The following MAML2 variants were observed in gnomAD, a reference collection of about 807,000 sequenced individuals.
The protein encoded by MAML2 is mastermind like transcriptional coactivator 2.
MAML2 carries 22 observed loss-of-function variants against 96.1 expected under a neutral mutation model. The observed-to-expected ratio is 0.23, with a 90% CI of 0.16 to 0.33. The LOEUF (loss-of-function observed/expected upper bound fraction) is 0.33. MAML2 is among the 10% of genes least tolerant of loss of function. MAML2 has a pLI of 1.00. For missense variants in MAML2, 1,367 were observed against 1,392.4 expected (o/e 0.98, Z 0.29); for synonymous variants, 561 against 521.3 (o/e 1.08, Z -1.04).
At chr11:95,980,060 G>T in intron 4 of MAML2, 97 bp from the exon 5 acceptor site, 1 of 910,262 alleles carries the variant, frequency 1.1e-6, no homozygotes. Context: ...ACTGCTTTCA[G>T]GTGTAAGACA....
intron 1 of MAML2, among the ~76,000 whole-genome samples, chr11:96,244,161 T>C (rs1465232191): frequency 1.3e-5 from 2 of 152,230 alleles, no homozygotes; most frequent in Non-Finnish European, 2.9e-5. Flanking sequence ...TCCAGATGTT[T>C]TGAAATATTA....
chr11:96,252,545 C>A (rs1862598389), intron 1 of MAML2, among the ~76,000 whole-genome samples: 1 of 151,632 alleles, frequency 6.6e-6, no homozygotes, highest in Non-Finnish European at 1.5e-5. Context: ...CCTGCCTCAG[C>A]CTCCCAAGTA....
intron 1 of MAML2, among the ~76,000 whole-genome samples, chr11:96,151,519 A>G (rs1173737074): frequency 6.6e-6 from 1 of 152,132 alleles, no homozygotes; most frequent in Non-Finnish European, 1.5e-5. Context: ...AATTCTCAGT[A>G]TTGGAGGTGA....
intron 1 of MAML2, among the ~76,000 whole-genome samples, chr11:96,292,813 A>G (rs1270724196): frequency 2.0e-5 from 3 of 152,194 alleles, no homozygotes; most frequent in Non-Finnish European, 2.9e-5. Context: ...TTAACAGCAC[A>G]GTGTGAGTTT....
At chr11:95,983,276 CA>C (rs1476956688) in intron 4 of MAML2, among the ~76,000 whole-genome samples, 3 of 152,012 alleles carry the variant, frequency 2.0e-5, no homozygotes, top group African/African-American at 7.3e-5. Context: ...AAAATAAAAA[CA>C]AAAAATTTTT....
intron 2 of MAML2, among the ~76,000 whole-genome samples, chr11:96,045,033 A>C (rs1485998841): frequency 6.6e-6 from 1 of 151,964 alleles, no homozygotes; most frequent in Non-Finnish European, 1.5e-5. Context: ...AAGCAAGTTA[A>C]GACTGAAATA....
Position 96,092,683 on chromosome 11 carries a change from G to C in MAML2, c.1348C>G (p.Gln450Glu), listed in dbSNP as rs1396738083. 3.7e-6 allele frequency: 6 copies of C among 1,614,012 alleles called. No homozygotes were observed. The South Asian group carries it at 6.6e-5, about 18-fold the overall frequency. Residue 450 changes from glutamine to glutamate, a missense_variant, in exon 2 of 5, where the codon CAG (glutamine) becomes GAG (glutamate). Physicochemically the swap from Gln to Glu is conservative, Grantham distance 29. Coordinates refer to ENST00000524717, the MANE Select transcript of MAML2 (RefSeq NM_032427.4). The surrounding 1 kb of genome is among the most constrained non-coding windows in gnomAD (Gnocchi z 4.1). The part of the protein sequence containing the change: ...AANRQQHARM[Q>E]QHQQQHQPTN... ...GGCTGGTGCTGCTGCTGGTGCTGCT[G>C]CATCCGGGCATGCTGCTGACGATTA...
chr11:96,287,434 A>G (rs1054535546), intron 1 of MAML2, among the ~76,000 whole-genome samples: 1 of 152,234 alleles, frequency 6.6e-6, no homozygotes, highest in African/African-American at 2.4e-5. Context: ...TTTAAAGTAA[A>G]GCAAAGCTCA....
intron 1 of MAML2, among the ~76,000 whole-genome samples, chr11:96,324,074 C>T (rs1218829552): frequency 6.6e-6 from 1 of 152,178 alleles, no homozygotes; most frequent in African/African-American, 2.4e-5. Context: ...GTTGCACTTG[C>T]CTTCAAAATT....
chr11:96,121,368 G>A (rs1175136742), intron 1 of MAML2, among the ~76,000 whole-genome samples: 2 of 152,114 alleles, frequency 1.3e-5, no homozygotes, highest in African/African-American at 4.8e-5. Context: ...CTGCTATGGG[G>A]GAAGCCATTA....
At chr11:96,056,622 T>G (rs1205469856) in intron 2 of MAML2, among the ~76,000 whole-genome samples, 1 of 152,200 alleles carries the variant, frequency 6.6e-6, no homozygotes, top group Non-Finnish European at 1.5e-5. Context: ...GTTAGAACAT[T>G]TGAAGCATGA....
In MAML2 at chr11:96,282,945, G is replaced by A. The variant is rs771712743; in HGVS notation, c.513+58438C>T. Among the ~76,000 whole-genome samples the A allele has an allele frequency of 9.9e-5, 15 of 152,212 alleles. No homozygotes were observed. In the South Asian group the frequency reaches 3.1e-3, roughly 32 times the overall value. ...TTCCTTTAAAGGCCACTTTCTAGCA[G>A]ACAATTCAACTAACTGCTGTATTTT... On this transcript the variant is annotated intron_variant, in intron 1 of 4. Transcript: ENST00000524717.
At position 96,092,379 on chromosome 11, in the gene MAML2, G is replaced by A; in HGVS notation, c.1652C>T (p.Pro551Leu). The A allele has an allele frequency of 6.2e-7, 1 of 1,613,904 alleles. No individual in the cohort carries two copies. The highest frequency in any genetic ancestry group is 1.1e-5 in the South Asian group (1 of 91,066). ...CAAAGGCTTGGTGTTGCCCTGACGG[G>A]GCTCCATGGCTGGGTGCGGGTTGTT... is the stretch of plus-strand genomic sequence containing the variant. ...FINNPHPAME[P>L]RQGNTKPLFH... The change falls in exon 2 of 5, where the codon CCC becomes CTC. Residue 551 changes from proline (P) to leucine (L), a missense_variant. Pro to Leu is a moderately conservative substitution (Grantham distance 98). Coordinates refer to ENST00000524717, the MANE Select transcript of MAML2 (RefSeq NM_032427.4). This position sits in a 1 kb window ranked among gnomAD's most constrained non-coding sequence, Gnocchi z 4.1.
In MAML2 at chr11:96,342,108, G is replaced by A. The variant is rs951194052; in HGVS notation, c.-213C>T. 10 of 554,256 alleles carry A rather than the reference G, an allele frequency of 1.8e-5. No homozygotes were observed. The highest frequency in any genetic ancestry group is 1.1e-4 in the African/African-American group (6 of 53,208). The allele number at this position is 554,256 out of a possible 1,614,324, so 34.3% of individuals were successfully genotyped here. ...GGGGAGAAAGAATAGAAACCAACTG[G>A]GGGGAGGATAAGTTGGAAACAAACC... On this transcript the variant is annotated 5_prime_UTR_variant, in exon 1 of 5. Transcript: ENST00000524717.
In MAML2 at chr11:96,092,973, G is replaced by C. The variant is rs530307743; in HGVS notation, c.1058C>G (p.Pro353Arg). The change falls in exon 2 of 5, where the codon CCT becomes CGT. Residue 353 changes from proline to arginine, a missense_variant. Physicochemically the swap from Pro to Arg is moderately radical, Grantham distance 103 (BLOSUM62 -2). Transcript: ENST00000524717. The surrounding 1 kb of genome is among the most constrained non-coding windows in gnomAD (Gnocchi z 4.1). Reference protein sequence around the residue: ...DLGQQSQRSTPRPSLPMEKIV... With the variant: ...DLGQQSQRSTRRPSLPMEKIV... ...TTTCTCCATGGGTAAGGAGGGCCTAGGTGTGCTCCTCTGGCTTTGCTGACC... is the reference window on the plus strand; with the variant it reads ...TTTCTCCATGGGTAAGGAGGGCCTACGTGTGCTCCTCTGGCTTTGCTGACC... 6.2e-7 allele frequency: 1 copy of C among 1,613,860 alleles called. No individual in the cohort carries two copies. The highest frequency in any genetic ancestry group is 8.5e-7 in the Non-Finnish European group (1 of 1,179,786).
chr11:96,150,281 C>T (rs1001791637), intron 1 of MAML2, among the ~76,000 whole-genome samples: 1 of 152,212 alleles, frequency 6.6e-6, no homozygotes, highest in Non-Finnish European at 1.5e-5. Context: ...CGAAGCTCAG[C>T]TTCAATGACA....
At chr11:96,014,524 G>A (rs1348532863) in intron 2 of MAML2, among the ~76,000 whole-genome samples, 1 of 152,182 alleles carries the variant, frequency 6.6e-6, no homozygotes, top group East Asian at 1.9e-4. Flanking sequence ...AAGCTTTCAG[G>A]TTTTCAGGTG....
At chr11:96,103,173 A>C (rs1859962831) in intron 1 of MAML2, among the ~76,000 whole-genome samples, 1 of 152,090 alleles carries the variant, frequency 6.6e-6, no homozygotes. Flanking sequence ...TCAGGTCTGT[A>C]AGTTTTTGAC....
chr11:96,152,900 CA>C lies in MAML2; in HGVS notation c.514-59384del, dbSNP rs1178746510. Reference sequence around the variant, plus strand: ...CTGCCAGAATCTCACAGATTGGATGCAAGCAAGGGAAATGCTCCATCTATCT... The same window carrying C: ...CTGCCAGAATCTCACAGATTGGATGCAGCAAGGGAAATGCTCCATCTATCT... On this transcript the variant is annotated intron_variant, in intron 1 of 4. Transcript: ENST00000524717. 1.1e-4 allele frequency among the ~76,000 whole-genome samples: 17 copies of C among 152,158 alleles called. 1 individual carries two copies. The highest frequency in any genetic ancestry group is 4.1e-4 in the African/African-American group (17 of 41,442).
Sources: allele counts gnomAD v4.1 joint callset (sites outside exome capture counted in the v4.1 genomes callset), GRCh38; gene constraint gnomAD v4.1.1; non-coding constraint Gnocchi (gnomAD v3.1); transcripts MANE v1.5; gene names NCBI Gene and HGNC (gene_info 2026-07-23, HGNC 2026-07-21).